Variants in MAP2 observed in about 807,000 individuals in gnomAD.
MAP2 encodes the protein microtubule associated protein 2.
MAP2 carries 14 observed loss-of-function variants against 137.6 expected under a neutral mutation model. The ratio of observed to expected loss-of-function variants is 0.10; its 90% CI spans 0.07 to 0.16. The LOEUF is 0.16. Among genes scored for constraint, MAP2 ranks in the 10% least tolerant of loss-of-function variants. The probability of loss-of-function intolerance (pLI) is 1.00; values close to 1 mark genes in which losing one functional copy is unlikely to be tolerated. For synonymous variants in MAP2, 786 were observed against 782.3 expected (o/e 1.00, Z -0.08); for missense variants, 2,088 against 2,191.5 (o/e 0.95, Z 0.94).
chr2:209,652,549 T>C (rs534111370), intron 4 of MAP2, among the ~76,000 whole-genome samples: 71 of 152,330 alleles, frequency 4.7e-4, no homozygotes, highest in Admixed American at 1.4e-3. Flanking sequence ...TCCAGAAAAG[T>C]GTATCTACCT....
intron 5 of MAP2, among the ~76,000 whole-genome samples, chr2:209,663,145 AAGC>A (rs2044491115): frequency 6.6e-6 from 1 of 152,004 alleles, no homozygotes; most frequent in Non-Finnish European, 1.5e-5. Context: ...TTTCCCCTCT[AAGC>A]TATTGAGATA....
At chr2:209,684,078 GGTACA>G (rs555716384) in intron 7 of MAP2, among the ~76,000 whole-genome samples, 1 of 152,118 alleles carries the variant, frequency 6.6e-6, no homozygotes, top group East Asian at 1.9e-4. Context: ...AAGGATCTAC[GGTACA>G]GTAAACCAAA....
intron 2 of MAP2, among the ~76,000 whole-genome samples, chr2:209,554,933 CAT>C (rs1053940196): frequency 2.7e-5 from 4 of 146,558 alleles, no homozygotes; most frequent in African/African-American, 1.0e-4. Context: ...ATGTATCTAT[CAT>C]ATATAAATAT....
chr2:209,711,742 G>C (rs945162069), intron 13 of MAP2, among the ~76,000 whole-genome samples: 1 of 152,064 alleles, frequency 6.6e-6, no homozygotes, highest in Non-Finnish European at 1.5e-5. Flanking sequence ...ATTTAAAAGT[G>C]TAAGGTGAAT....
chr2:209,573,643 A>G (rs903290750), intron 2 of MAP2, among the ~76,000 whole-genome samples: 5 of 152,122 alleles, frequency 3.3e-5, no homozygotes, highest in Admixed American at 2.6e-4. Flanking sequence ...TTCATGTGGC[A>G]TGAAATTCAC....
At chr2:209,575,382 G>C (rs987303128) in intron 2 of MAP2, among the ~76,000 whole-genome samples, 4 of 151,680 alleles carry the variant, frequency 2.6e-5, no homozygotes, top group Admixed American at 1.3e-4. Flanking sequence ...CTAGCCGGGC[G>C]TGATGGCGGG....
rs148102787 is a variant in MAP2, at chr2:209,732,948, A to G, written c.*2551A>G. The G allele has an allele frequency of 2.7e-4, 42 of 152,740 alleles. 2 individuals carry two copies. In the East Asian group the frequency reaches 8.1e-3, roughly 29 times the overall value. The allele number at this position is 152,740 out of a possible 1,614,324, so 9.5% of individuals were successfully genotyped here. A position where few individuals can be genotyped will look rare whatever the true frequency, so the allele number is the denominator to read the frequency against. ...TAAAAGAGAGAAACACACAGGTTAAATATCTTCTTGTGGGGTTAAGGGGTA... is the reference window on the plus strand; with the variant it reads ...TAAAAGAGAGAAACACACAGGTTAAGTATCTTCTTGTGGGGTTAAGGGGTA... On this transcript the variant is annotated 3_prime_UTR_variant, in exon 16 of 16. Transcript: ENST00000682079.
chr2:209,666,964 C>G (rs1487218348), intron 5 of MAP2, among the ~76,000 whole-genome samples: 2 of 151,828 alleles, frequency 1.3e-5, no homozygotes, highest in Non-Finnish European at 2.9e-5. Context: ...TTCTTTGATA[C>G]AACTGAATGT....
At chr2:209,583,147 G>GATCTA (rs1553604237) in intron 3 of MAP2, among the ~76,000 whole-genome samples, 14 of 147,152 alleles carry the variant, frequency 9.5e-5, no homozygotes, top group African/African-American at 3.6e-4. Flanking sequence ...CTGTCTGTCT[G>GATCTA]TCTATCTATC....
intron 1 of MAP2, among the ~76,000 whole-genome samples, chr2:209,438,055 CTG>C (rs1696793425): frequency 6.6e-6 from 1 of 151,514 alleles, no homozygotes; most frequent in Non-Finnish European, 1.5e-5. Context: ...AGGCATGAGA[CTG>C]TACTATTGTT....
At chr2:209,606,768 C>A (rs769744400) in intron 3 of MAP2, among the ~76,000 whole-genome samples, 29 of 151,834 alleles carry the variant, frequency 1.9e-4, no homozygotes, top group African/African-American at 6.5e-4. Flanking sequence ...ATATATGAGC[C>A]CTGCTTGGAG....
chr2:209,638,973 G>T (rs1240167674), intron 4 of MAP2, among the ~76,000 whole-genome samples: 4 of 152,080 alleles, frequency 2.6e-5, no homozygotes, highest in Admixed American at 6.6e-5. Flanking sequence ...CCTGATACAT[G>T]CTCATTAGAG....
chr2:209,429,612 A>G (rs930501351), intron 1 of MAP2, among the ~76,000 whole-genome samples: 35 of 152,208 alleles, frequency 2.3e-4, no homozygotes, highest in Non-Finnish European at 1.5e-5. Flanking sequence ...AAAAATGACC[A>G]TAAAATACAG....
At chr2:209,635,728 T>C (rs1386996062) in intron 4 of MAP2, among the ~76,000 whole-genome samples, 2 of 152,166 alleles carry the variant, frequency 1.3e-5, no homozygotes, top group East Asian at 3.9e-4. Flanking sequence ...TGCAGAATGC[T>C]TGGGTGTTTG....
intron 3 of MAP2, among the ~76,000 whole-genome samples, chr2:209,585,423 AAATTTGTAAAATT>A (rs2077458419): frequency 6.6e-6 from 1 of 152,154 alleles, no homozygotes; most frequent in South Asian, 2.1e-4. Context: ...ACATTTTGTA[AAATTTGTAAAATT>A]TAGAAGGGTG....
intron 4 of MAP2, among the ~76,000 whole-genome samples, chr2:209,647,932 C>T (rs1349899753): frequency 1.3e-5 from 2 of 152,042 alleles, no homozygotes; most frequent in Non-Finnish European, 2.9e-5. Context: ...AAGCTCACCA[C>T]TCAGATTCAT....
At chr2:209,713,338 A>ACAG (rs1240942372) in intron 13 of MAP2, among the ~76,000 whole-genome samples, 3 of 152,170 alleles carry the variant, frequency 2.0e-5, no homozygotes, top group African/African-American at 7.2e-5. Context: ...TTTGTGCTTA[A>ACAG]CAGCAGCTAT....
intron 11 of MAP2, among the ~76,000 whole-genome samples, chr2:209,703,213 G>A (rs1012244454): frequency 3.9e-5 from 6 of 152,066 alleles, no homozygotes; most frequent in Non-Finnish European, 8.8e-5. Context: ...TTAATCCACA[G>A]TATGTGTTTC....
At chr2:209,576,211 G>T (rs112470421) in intron 2 of MAP2, among the ~76,000 whole-genome samples, 99 of 152,176 alleles carry the variant, frequency 6.5e-4, no homozygotes, top group African/African-American at 2.2e-3. Flanking sequence ...GTGAGAAAAG[G>T]AAGTGTGAAG....
Sources: gnomAD v4.1 joint callset for allele counts (sites outside exome capture counted in the v4.1 genomes callset) on GRCh38, gnomAD v4.1.1 for gene constraint, MANE v1.5 for transcripts, NCBI Gene and HGNC (gene_info 2026-07-23, HGNC 2026-07-21) for gene names.